UBR7: variants seen among roughly 807,000 people sequenced by gnomAD.
The protein encoded by UBR7 is ubiquitin protein ligase E3 component n-recognin 7.
Under a neutral mutation model 57.0 loss-of-function variants are expected in UBR7, and 22 were observed. That is an observed-to-expected ratio of 0.39 (90% confidence interval 0.28 to 0.55). The LOEUF is 0.55. Among genes scored for constraint, UBR7 ranks in the 20% least tolerant of loss-of-function variants. The pLI, the probability that UBR7 is intolerant of heterozygous loss-of-function variation, is 0.69. For missense variants in UBR7, 395 were observed against 513.2 expected, an observed-to-expected ratio of 0.77 and a Z score of 2.23; for synonymous variants, 167 against 179.8, an observed-to-expected ratio of 0.93 and a Z score of 0.57.
intron 10 of UBR7, among the ~76,000 whole-genome samples, chr14:93,223,224 T>C (rs1161357720): frequency 2.0e-5 from 3 of 151,930 alleles, no homozygotes; most frequent in Non-Finnish European, 2.9e-5. Flanking sequence ...TGGTGAAACC[T>C]TGTCTCTACA....
At chr14:93,213,480 T>G (rs1005714926) in intron 4 of UBR7, among the ~76,000 whole-genome samples, 3 of 151,936 alleles carry the variant, frequency 2.0e-5, no homozygotes, top group Non-Finnish European at 4.4e-5. Flanking sequence ...GCTAATTTTT[T>G]GTAATTTTAG....
intron 10 of UBR7, 70 bp downstream of exon 10, chr14:93,222,444 A>G: frequency 8.2e-7 from 1 of 1,218,632 alleles, no homozygotes; most frequent in South Asian, 1.2e-5. Context: ...TCCTTTGACG[A>G]TTAAAAATGA....
At chr14:93,220,441 C>T in intron 9 of UBR7, 30 bp downstream of exon 9, 1 of 1,612,944 alleles carries the variant, frequency 6.2e-7, no homozygotes, top group Non-Finnish European at 8.5e-7. Flanking sequence ...GAAAATTCAT[C>T]ATTTCCTTCA....
intron 4 of UBR7, among the ~76,000 whole-genome samples, chr14:93,213,031 G>A (rs753236223): frequency 1.3e-5 from 2 of 152,064 alleles, no homozygotes; most frequent in East Asian, 1.9e-4. Flanking sequence ...CTGGCTACGC[G>A]GGAGGCTGAG....
chr14:93,212,068 G>C lies in UBR7; in HGVS notation c.382G>C (p.Asp128His). Reference protein sequence around the residue: ...AKVNSGNKYNDNFFGLYCICK... With the variant: ...AKVNSGNKYNHNFFGLYCICK... ...GGTAAATTCTGGCAATAAGTACAAT[G>C]ACAACTTTTTTGGATTGTACTGCAT... The change falls in exon 4 of 11, where the codon GAC (aspartate) becomes CAC (histidine). Residue 128 changes from aspartate (D) to histidine (H), a missense_variant. Asp to His is a moderately conservative substitution (Grantham distance 81). Coordinates refer to ENST00000013070, the MANE Select transcript of UBR7 (RefSeq NM_175748.4). The C allele has an allele frequency of 6.2e-7, 1 of 1,613,184 alleles. No individual in the cohort carries two copies. Among genetic ancestry groups the C allele is most frequent in the Non-Finnish European group, 8.5e-7 (1 of 1,179,528 alleles).
intron 4 of UBR7, 144 bp from the exon 5 acceptor site, chr14:93,214,785 T>C: frequency 1.3e-6 from 1 of 751,186 alleles, no homozygotes; most frequent in Non-Finnish European, 2.3e-6. Context: ...TTGAGATTGT[T>C]TGTAAAGTGC....
At chr14:93,213,129 C>T (rs143928922) in intron 4 of UBR7, among the ~76,000 whole-genome samples, 1 of 151,780 alleles carries the variant, frequency 6.6e-6, no homozygotes, top group Non-Finnish European at 1.5e-5. Context: ...CAGAGCGAGA[C>T]CCTGTCTCAA....
intron 3 of UBR7, among the ~76,000 whole-genome samples, chr14:93,211,309 G>A (rs1298516049): frequency 6.6e-6 from 1 of 151,894 alleles, no homozygotes; most frequent in Non-Finnish European, 1.5e-5. Flanking sequence ...CACTTTGGGA[G>A]GCCGAGGCAG....
Position 93,227,865 on chromosome 14 carries a change from T to A in UBR7, c.*830T>A. The stretch of plus-strand genomic sequence containing the variant: ...GAAAACAGACCGGGTCTCACCCCTG[T>A]GAAATCTTGGTGGTTTACGAAGTCC... On this transcript the variant is annotated 3_prime_UTR_variant, in exon 11 of 11. Transcript: ENST00000013070. The A allele has an allele frequency of 1.4e-6, 1 of 700,912 alleles. No individual in the cohort carries two copies. The highest frequency in any genetic ancestry group is 2.6e-6 in the Non-Finnish European group (1 of 384,826). The allele number at this position is 700,912 out of a possible 1,614,324, so 43.4% of individuals were successfully genotyped here.
chr14:93,225,463 CAA>C (rs59667536), intron 10 of UBR7, among the ~76,000 whole-genome samples: 22 of 110,176 alleles, frequency 2.0e-4, no homozygotes, highest in African/African-American at 3.5e-4. Flanking sequence ...CCCGCCTCTA[CAA>C]AAAAAAAAAA....
At chr14:93,223,567 T>G in intron 10 of UBR7, 1 of 789,978 alleles carries the variant, frequency 1.3e-6, no homozygotes, top group Non-Finnish European at 2.1e-6. Flanking sequence ...CCTGAGTTTA[T>G]TTGGGGCACA....
At chr14:93,212,156 G>T in intron 4 of UBR7, 29 bp downstream of exon 4, 2 of 1,544,528 alleles carry the variant, frequency 1.3e-6, no homozygotes, top group Non-Finnish European at 1.8e-6. Flanking sequence ...AAACCTGGGG[G>T]TGTGTCCCCT....
At chr14:93,225,619 C>A (rs559215379) in intron 10 of UBR7, among the ~76,000 whole-genome samples, 48 of 152,120 alleles carry the variant, frequency 3.2e-4, no homozygotes, top group African/African-American at 9.7e-4. Flanking sequence ...GGTGACAGAG[C>A]GAGACCCTGT....
chr14:93,209,307 TACAA>T (rs1343372626), intron 1 of UBR7, among the ~76,000 whole-genome samples: 3 of 152,278 alleles, frequency 2.0e-5, no homozygotes, highest in Admixed American at 1.3e-4. Context: ...TTGGTAGATT[TACAA>T]ACATTTTCCA....
At chr14:93,208,860 T>C (rs1205383081) in intron 1 of UBR7, among the ~76,000 whole-genome samples, 4 of 152,120 alleles carry the variant, frequency 2.6e-5, no homozygotes, top group Non-Finnish European at 4.4e-5. Flanking sequence ...TGCAATGTCA[T>C]GATCTCTGCT....
At chr14:93,210,752 G>C in intron 3 of UBR7, 44 bp downstream of exon 3, 1 of 1,520,604 alleles carries the variant, frequency 6.6e-7, no homozygotes, top group South Asian at 1.2e-5. Context: ...AGCAGCTGAG[G>C]TTAATATTTG....
rs1280350519 is a variant in UBR7, at chr14:93,227,000, A to G, written c.1243A>G (p.Arg415Gly). ...FFEEFQSKKR[R>G]RVDGMQYYCS ...TGAAGAGTTTCAGTCAAAAAAGAGA[A>G]GAAGAGTGGATGGGATGCAGTATTA... The change falls in exon 11 of 11, where the codon AGA becomes GGA. Residue 415 changes from arginine (R) to glycine (G), a missense_variant. By Grantham distance (125) the Arg-to-Gly change is moderately radical. Coordinates refer to ENST00000013070, the MANE Select transcript of UBR7 (RefSeq NM_175748.4). 1 of 1,612,860 alleles carries G rather than the reference A, an allele frequency of 6.2e-7. No individual in the cohort carries two copies. Among genetic ancestry groups the G allele is most frequent in the South Asian group, 1.1e-5 (1 of 91,026 alleles).
At chr14:93,218,451 T>C in intron 6 of UBR7, 76 bp from the exon 7 acceptor site, 2 of 1,228,654 alleles carry the variant, frequency 1.6e-6, no homozygotes, top group South Asian at 2.5e-5. Context: ...GTGATTTTAT[T>C]GTCTGTTGGG....
In UBR7 at chr14:93,220,295, A is replaced by T; in HGVS notation, c.1007A>T (p.Asp336Val). The change falls in exon 9 of 11, where the codon GAC becomes GTC. Residue 336 changes from aspartate (D) to valine (V), a missense_variant. Asp to Val is a radical substitution (Grantham distance 152). Transcript: ENST00000013070. ...LDVLFLTDEYDTVLAYENKGK... is the reference protein window; with the variant it reads ...LDVLFLTDEYVTVLAYENKGK... ...GTCTTATTCCTGACAGATGAATACG[A>T]CACAGTTCTGGCTTATGAAAACAAA... is the stretch of plus-strand genomic sequence containing the variant. 6.2e-7 allele frequency: 1 copy of T among 1,611,416 alleles called. No individual in the cohort carries two copies. The highest frequency in any genetic ancestry group is 1.1e-5 in the South Asian group (1 of 90,980).
Sources: gnomAD v4.1 joint callset for allele counts (sites outside exome capture counted in the v4.1 genomes callset) on GRCh38, gnomAD v4.1.1 for gene constraint, MANE v1.5 for transcripts, NCBI Gene and HGNC (gene_info 2026-07-23, HGNC 2026-07-21) for gene names.